Variants in TLR5 observed in about 807,000 individuals in gnomAD.
TLR5 encodes the protein toll-like receptor 5.
For synonymous variants in TLR5, 373 were observed against 384.4 expected (o/e 0.97, Z 0.35); for missense variants, 944 against 999.8 (o/e 0.94, Z 0.75).
chr1:223,131,407 C>T lies in TLR5; in HGVS notation c.-5+1068G>A, dbSNP rs975595597. Among the ~76,000 whole-genome samples, 1 of 152,220 alleles carries T rather than the reference C, an allele frequency of 6.6e-6. No individual in the cohort carries two copies. The highest frequency in any genetic ancestry group is 6.5e-5 in the Admixed American group (1 of 15,284). ...CATTCTCAGAGTCTGCCCTCATCCC[C>T]ATTCTCTCAGCTTAGGCTGGTCCTG... On this transcript the variant is annotated intron_variant, in intron 5 of 5. Transcript: ENST00000642603. This position sits in a 1 kb window ranked among gnomAD's most constrained non-coding sequence, Gnocchi z 4.2.
chr1:223,118,801 A>T (rs1009583162), intron 5 of TLR5, among the ~76,000 whole-genome samples: 2 of 151,940 alleles, frequency 1.3e-5, no homozygotes, highest in South Asian at 2.1e-4. Flanking sequence ...GCCCTGACCT[A>T]GAAGGAAGTC....
chr1:223,129,432 A>G (rs1657310434), intron 5 of TLR5: 1 of 152,268 alleles, frequency 6.6e-6, no homozygotes, highest in Non-Finnish European at 1.5e-5. Flanking sequence ...CGGTTTCTGG[A>G]CTAGGAAGGC....
chr1:223,112,365 A>G lies in TLR5; in HGVS notation c.667T>C (p.Phe223Leu). 6.2e-7 allele frequency: 1 copy of G among 1,614,236 alleles called. No homozygotes were observed. The highest frequency in any genetic ancestry group is 1.6e-4 in the Middle Eastern group (1 of 6,062). The change falls in exon 6 of 6, where the codon TTC (phenylalanine) becomes CTC (leucine). Residue 223 changes from phenylalanine to leucine, a missense_variant. Coordinates refer to ENST00000642603, the MANE Select transcript of TLR5 (RefSeq NM_003268.6). ...AGTATCTCCAGCACCATGTTTCTGAATGGGTTCATACATTTTCCCCAGTCC... is the reference window on the plus strand; with the variant it reads ...AGTATCTCCAGCACCATGTTTCTGAGTGGGTTCATACATTTTCCCCAGTCC... ...SVDWGKCMNP[F>L]RNMVLEILDV...
At position 223,112,873 on chromosome 1, in the gene TLR5, C is replaced by G. The variant is rs56233936; in HGVS notation, c.159G>C (p.Leu53=). 4 of 1,614,060 alleles carry G rather than the reference C, an allele frequency of 2.5e-6. No individual in the cohort carries two copies. In the South Asian group the frequency reaches 4.4e-5, roughly 18 times the overall value. Residue 53 remains leucine (L), a synonymous_variant, in exon 6 of 6, where the codon CTG becomes CTC. Transcript: ENST00000642603. ...TGACTGTCCTGATATAGTTGAAGCT[C>G]AGCAGGAGCCTCTCAGTGGTGTTGA... ...QVLNTTERLL[L]SFNYIRTVTA...
intron 5 of TLR5, 100 bp downstream of exon 5, chr1:223,132,375 A>G (rs746343711): frequency 3.3e-5 from 5 of 152,170 alleles, no homozygotes; most frequent in African/African-American, 4.8e-5. Flanking sequence ...ATATTTGTAC[A>G]TATGTATATA....
At chr1:223,138,156 TCTCA>T (rs761578949) in intron 2 of TLR5, among the ~76,000 whole-genome samples, 2 of 146,774 alleles carry the variant, frequency 1.4e-5, no homozygotes, top group Admixed American at 6.7e-5. Context: ...GGTGGAGGGG[TCTCA>T]CTATGTTGCC....
chr1:223,112,082 A>G lies in TLR5; in HGVS notation c.950T>C (p.Leu317Pro). The G allele has an allele frequency of 6.2e-7, 1 of 1,614,252 alleles. No individual in the cohort carries two copies. The highest frequency in any genetic ancestry group is 8.5e-7 in the Non-Finnish European group (1 of 1,180,038). The change falls in exon 6 of 6, where the codon CTG becomes CCG. Residue 317 changes from leucine to proline, a missense_variant. Leu to Pro is a moderately conservative substitution (Grantham distance 98, BLOSUM62 -3). Coordinates refer to ENST00000642603, the MANE Select transcript of TLR5 (RefSeq NM_003268.6). ...ATTTATCTTGTTGTAGGCAAGGTTC[A>G]GAACCTTCAAATCCTTGAGTGTCTC... ...VFETLKDLKVLNLAYNKINKI... is the reference protein window; with the variant it reads ...VFETLKDLKVPNLAYNKINKI...
chr1:223,123,992 G>A (rs924351476), intron 5 of TLR5: 2 of 152,242 alleles, frequency 1.3e-5, no homozygotes, highest in Non-Finnish European at 2.9e-5. Flanking sequence ...AAAAAGCAAT[G>A]TGTATAATTA....
At chr1:223,136,142 G>A (rs1657603420) in intron 3 of TLR5, among the ~76,000 whole-genome samples, 1 of 152,214 alleles carries the variant, frequency 6.6e-6, no homozygotes. Context: ...AAAGCAGAGA[G>A]ACATGCTTCT....
intron 5 of TLR5, among the ~76,000 whole-genome samples, chr1:223,117,060 G>C (rs1203263228): frequency 1.3e-5 from 2 of 152,192 alleles, no homozygotes; most frequent in African/African-American, 4.8e-5. Context: ...CCACCACAGG[G>C]GGACTCGGGT....
chr1:223,109,959 T>G lies in TLR5; in HGVS notation c.*496A>C, dbSNP rs1656238177. ...GCCACCTCTTATCTATGAGACAAAG[T>G]GTGACTTGCACTCAACAGTGGCATT... On this transcript the variant is annotated 3_prime_UTR_variant, in exon 6 of 6. Coordinates refer to ENST00000642603, the MANE Select transcript of TLR5 (RefSeq NM_003268.6). The G allele has an allele frequency of 5.6e-6, 1 of 179,852 alleles. No individual in the cohort carries two copies. The highest frequency in any genetic ancestry group is 1.2e-4 in the South Asian group (1 of 8,354). The allele number at this position is 179,852 out of a possible 1,614,324, so 11.1% of individuals were successfully genotyped here.
intron 5 of TLR5, among the ~76,000 whole-genome samples, chr1:223,122,848 GTCCA>G (rs1558126682): frequency 6.6e-6 from 1 of 152,152 alleles, no homozygotes; most frequent in Non-Finnish European, 1.5e-5. Flanking sequence ...CCTGAGGCCT[GTCCA>G]TCTCCATGTC....
chr1:223,139,244 T>G (rs1202099634), intron 2 of TLR5, among the ~76,000 whole-genome samples: 2 of 152,250 alleles, frequency 1.3e-5, no homozygotes. Context: ...TTTGATATTT[T>G]TATCACTCTG....
intron 5 of TLR5, among the ~76,000 whole-genome samples, chr1:223,122,937 T>C (rs1357805899): frequency 1.3e-5 from 2 of 152,158 alleles, no homozygotes; most frequent in Non-Finnish European, 2.9e-5. Context: ...ACATTTTCTC[T>C]AAAGGGCCAG....
At chr1:223,124,444 A>T (rs531613853) in intron 5 of TLR5, among the ~76,000 whole-genome samples, 2 of 50,000 alleles carry the variant, frequency 4.0e-5, no homozygotes, top group South Asian at 1.0e-3. Flanking sequence ...ACTCCGTCTA[A>T]AACAAAAAAA....
In TLR5 at chr1:223,121,803, T is replaced by G. The variant is rs139554351; in HGVS notation, c.-4-8768A>C. On this transcript the variant is annotated intron_variant, in intron 5 of 5. Coordinates refer to ENST00000642603, the MANE Select transcript of TLR5 (RefSeq NM_003268.6). ...CCAAACTGCTGGGATTACAGGCATG[T>G]GCCTGGCCAGTGTTTGTTTCTTTTG... is the stretch of plus-strand genomic sequence containing the variant. 1.7e-3 allele frequency among the ~76,000 whole-genome samples: 261 copies of G among 152,258 alleles called. 1 individual carries two copies. Among genetic ancestry groups the G allele is most frequent in the Non-Finnish European group, 2.6e-3 (180 of 68,002 alleles).
intron 4 of TLR5, among the ~76,000 whole-genome samples, chr1:223,133,130 A>G (rs1464748954): frequency 6.6e-6 from 1 of 152,210 alleles, no homozygotes; most frequent in African/African-American, 2.4e-5. Context: ...AAGACAGTGC[A>G]CAGTTATTGG....
intron 5 of TLR5, among the ~76,000 whole-genome samples, chr1:223,116,031 C>A (rs851138): frequency 0.66 from 100,367 of 152,150 alleles, 34,323 homozygotes; most frequent in African/African-American, 0.84. Context: ...CAGTGTTTCC[C>A]CAGCGAGACT....
At position 223,111,842 on chromosome 1, in the gene TLR5, G is replaced by GT. The variant is rs2102862173; in HGVS notation, c.1189dup (p.Thr397AsnfsTer18). 1 of 1,613,908 alleles carries GT rather than the reference G, an allele frequency of 6.2e-7. No individual in the cohort carries two copies. The highest frequency in any genetic ancestry group is 2.2e-5 in the East Asian group (1 of 44,872). On this transcript the variant is annotated frameshift_variant, in exon 6 of 6. Transcript: ENST00000642603. LOFTEE classifies it low-confidence loss of function (END_TRUNC). ...TATGCTTGGAATAAAATGAATGGTTGTAAGAGCATTGTCTCGGAGATCCAA... is the reference window on the plus strand; with the variant it reads ...TATGCTTGGAATAAAATGAATGGTTGTTAAGAGCATTGTCTCGGAGATCCAA...
Sources: allele counts gnomAD v4.1 joint callset (sites outside exome capture counted in the v4.1 genomes callset), GRCh38; gene constraint gnomAD v4.1.1; non-coding constraint Gnocchi (gnomAD v3.1); transcripts MANE v1.5; gene names NCBI Gene and HGNC (gene_info 2026-07-23, HGNC 2026-07-21).